TENT2: variants seen among roughly 807,000 people sequenced by gnomAD.
The protein encoded by TENT2 is terminal nucleotidyltransferase 2, also known as poly(A) RNA polymerase GLD2.
TENT2 carries 44 observed loss-of-function variants against 72.2 expected under a neutral mutation model. That is an observed-to-expected ratio of 0.61 (90% CI 0.48 to 0.78). The LOEUF (loss-of-function observed/expected upper bound fraction) is 0.78, where lower values mean the gene tolerates loss of function less well. TENT2 is among the 30% of genes least tolerant of loss of function. The pLI is 0.00. For synonymous variants in TENT2, 212 were observed against 192.5 expected (o/e 1.10, Z -0.84); for missense variants, 541 against 569.6 (o/e 0.95, Z 0.51).
chr5:79,615,577 A>T (rs1759038254), intron 1 of TENT2, among the ~76,000 whole-genome samples: 1 of 152,202 alleles, frequency 6.6e-6, no homozygotes, highest in Non-Finnish European at 1.5e-5. Flanking sequence ...ATGAAGTAGG[A>T]TCCTATGTTT....
chr5:79,648,142 G>C (rs1790633370), intron 8 of TENT2, among the ~76,000 whole-genome samples: 1 of 152,162 alleles, frequency 6.6e-6, no homozygotes, highest in South Asian at 2.1e-4. Flanking sequence ...CTGGAAACTT[G>C]TGAGATTTAA....
intron 1 of TENT2, among the ~76,000 whole-genome samples, chr5:79,618,497 G>C (rs1041732791): frequency 6.6e-6 from 1 of 152,046 alleles, no homozygotes; most frequent in Admixed American, 6.6e-5. Context: ...GCCTCCCAGA[G>C]TGCTGGGATT....
At chr5:79,661,850 T>C (rs924910926) in intron 11 of TENT2, among the ~76,000 whole-genome samples, 2 of 152,208 alleles carry the variant, frequency 1.3e-5, no homozygotes, top group Admixed American at 6.5e-5. Context: ...TAGTGTATGA[T>C]GATCTTTGCT....
At position 79,685,683 on chromosome 5, in the gene TENT2, T is replaced by C. The variant is rs1228134739; in HGVS notation, c.*410T>C. The C allele has an allele frequency of 6.5e-6, 1 of 154,884 alleles. No homozygotes were observed. Among genetic ancestry groups the C allele is most frequent in the Non-Finnish European group, 1.4e-5 (1 of 69,720 alleles). 9.6% of individuals were successfully genotyped at this position (154,884 alleles called of 1,614,324 possible). On this transcript the variant is annotated 3_prime_UTR_variant, in exon 15 of 15. Transcript: ENST00000453514. ...ATAACCTACGTTAGATAGTTTGTTGTCAAAGTCTGTTCTAGTAAAGTGAAG... is the reference window on the plus strand; with the variant it reads ...ATAACCTACGTTAGATAGTTTGTTGCCAAAGTCTGTTCTAGTAAAGTGAAG...
intron 3 of TENT2, among the ~76,000 whole-genome samples, chr5:79,621,541 G>A (rs1230583387): frequency 6.6e-6 from 1 of 151,652 alleles, no homozygotes; most frequent in Non-Finnish European, 1.5e-5. Flanking sequence ...GGCAGATCAC[G>A]AGGTCAGGAG....
intron 3 of TENT2, among the ~76,000 whole-genome samples, chr5:79,621,338 A>G (rs892874428): frequency 6.6e-6 from 1 of 152,230 alleles, no homozygotes; most frequent in African/African-American, 2.4e-5. Context: ...GCTTAAAAGC[A>G]CTACAGGTTG....
At chr5:79,661,141 G>C in intron 11 of TENT2, among the ~76,000 whole-genome samples, 1 of 152,162 alleles carries the variant, frequency 6.6e-6, no homozygotes, top group East Asian at 1.9e-4. Flanking sequence ...AATAAAGTAA[G>C]CTAAGGTTAA....
intron 11 of TENT2, among the ~76,000 whole-genome samples, chr5:79,663,446 T>C (rs1355529401): frequency 6.6e-6 from 1 of 152,202 alleles, no homozygotes; most frequent in Middle Eastern, 3.2e-3. Context: ...AAGTGAGAGA[T>C]GTGTGACTTT....
intron 12 of TENT2, among the ~76,000 whole-genome samples, 155 bp downstream of exon 12, chr5:79,669,183 A>T (rs1323802093): frequency 1.3e-5 from 2 of 152,198 alleles, no homozygotes; most frequent in Non-Finnish European, 2.9e-5. Context: ...AGAAATGTAT[A>T]GTTTATAAAA....
Position 79,638,909 on chromosome 5 carries a change from G to C in TENT2, c.466-1942G>C, listed in dbSNP as rs183217347. On this transcript the variant is annotated intron_variant, in intron 4 of 14. Coordinates refer to ENST00000453514, the MANE Select transcript of TENT2 (RefSeq NM_001114394.3). The stretch of plus-strand genomic sequence containing the variant: ...CTTTCATTGCCAAATTGCCCAGAAT[G>C]CCTCTGCCTTCTTAAAATGAGGATT... Among the ~76,000 whole-genome samples the C allele has an allele frequency of 4.5e-3, 680 of 152,280 alleles. 3 individuals carry two copies. The highest frequency in any genetic ancestry group is 0.016 in the African/African-American group (646 of 41,566).
chr5:79,642,009 A>G (rs1784861779), intron 6 of TENT2, among the ~76,000 whole-genome samples: 1 of 152,024 alleles, frequency 6.6e-6, no homozygotes, highest in Non-Finnish European at 1.5e-5. Flanking sequence ...ACTCCTGTGT[A>G]TAATACTGTA....
intron 4 of TENT2, among the ~76,000 whole-genome samples, chr5:79,636,057 T>C (rs1779897071): frequency 6.8e-6 from 1 of 147,690 alleles, no homozygotes. Flanking sequence ...GTAGAAATTA[T>C]TTAGCTTGCT....
chr5:79,656,981 T>C lies in TENT2; in HGVS notation c.1051T>C (p.Ser351Pro), dbSNP rs780335810. 1.2e-6 allele frequency: 2 copies of C among 1,604,922 alleles called. No homozygotes were observed. Among genetic ancestry groups the C allele is most frequent in the Admixed American group, 1.7e-5 (1 of 59,864 alleles). ...LQTLPEPILP[S>P]LQKIYPESFS... ...AGCCCTACCTGAACCCATCCTTCCA[T>C]CCCTCCAAAAAATTTACCCAGTAAG... The change falls in exon 11 of 15, where the codon TCC (serine) becomes CCC (proline). Residue 351 changes from serine to proline, a missense_variant. Transcript: ENST00000453514.
At chr5:79,681,150 ATTTTTTTTTT>A (rs1158559796) in intron 13 of TENT2, among the ~76,000 whole-genome samples, 36 of 44,758 alleles carry the variant, frequency 8.0e-4, no homozygotes, top group East Asian at 3.0e-3. Context: ...CTTTTCTTTG[ATTTTTTTTTT>A]TTTTTTTTTT....
intron 8 of TENT2, among the ~76,000 whole-genome samples, chr5:79,646,341 A>C (rs1489834983): frequency 6.6e-6 from 1 of 152,194 alleles, no homozygotes; most frequent in Non-Finnish European, 1.5e-5. Flanking sequence ...GCACAACATA[A>C]AACTTGGTTA....
intron 12 of TENT2, among the ~76,000 whole-genome samples, chr5:79,678,356 G>A (rs1314795737): frequency 2.0e-5 from 3 of 151,942 alleles, no homozygotes; most frequent in African/African-American, 4.8e-5. Context: ...AGAAGTGTAG[G>A]GTAAGTGTTG....
rs544354062 is a variant in TENT2, at chr5:79,639,139, C to T, written c.466-1712C>T. ...ATTAGCTTTGAACAGGGGAAAAGGACGCCTTTTTTTTTTTCCCCAGATATG... is the reference window on the plus strand; with the variant it reads ...ATTAGCTTTGAACAGGGGAAAAGGATGCCTTTTTTTTTTTCCCCAGATATG... On this transcript the variant is annotated intron_variant, in intron 4 of 14. Transcript: ENST00000453514. 2.4e-4 allele frequency among the ~76,000 whole-genome samples: 37 copies of T among 151,524 alleles called. No homozygotes were observed. The South Asian group carries it at 7.3e-3, about 30-fold the overall frequency.
intron 4 of TENT2, among the ~76,000 whole-genome samples, chr5:79,631,528 T>C (rs1580285345): frequency 6.6e-6 from 1 of 152,182 alleles, no homozygotes; most frequent in Non-Finnish European, 1.5e-5. Context: ...ATACAGATGG[T>C]AATTGAAGCC....
Position 79,685,350 on chromosome 5 carries a change from C to T in TENT2, c.*77C>T. The T allele has an allele frequency of 6.8e-6, 7 of 1,025,930 alleles. No homozygotes were observed. In the East Asian group the frequency reaches 1.4e-4, roughly 20 times the overall value. 63.6% of individuals were successfully genotyped at this position (1,025,930 alleles called of 1,614,324 possible). ...CATCATAATACATTATGTTTACCTC[C>T]ATCATAGTTGCTTTTTTCATAGTTC... On this transcript the variant is annotated 3_prime_UTR_variant, in exon 15 of 15. Transcript: ENST00000453514.
Sources: allele counts gnomAD v4.1 joint callset (sites outside exome capture counted in the v4.1 genomes callset), GRCh38; gene constraint gnomAD v4.1.1; transcripts MANE v1.5; gene names NCBI Gene and HGNC (gene_info 2026-07-23, HGNC 2026-07-21).